TNRC6C: variants seen among roughly 807,000 people sequenced by gnomAD.
TNRC6C encodes trinucleotide repeat-containing gene 6C protein.
TNRC6C carries 20 observed loss-of-function variants against 153.7 expected under a neutral mutation model. The ratio of observed to expected loss-of-function variants is 0.13; its 90% CI spans 0.09 to 0.19. The LOEUF is 0.19. Ranked by LOEUF, TNRC6C falls within the 10% of genes least tolerant of loss-of-function variation. The probability of loss-of-function intolerance (pLI) is 1.00; values close to 1 mark genes in which losing one functional copy is unlikely to be tolerated. For synonymous variants in TNRC6C, 811 were observed against 841.4 expected (o/e 0.96, Z 0.63); for missense variants, 1,987 against 2,172.0 (o/e 0.91, Z 1.69).
intron 13 of TNRC6C, among the ~76,000 whole-genome samples, chr17:78,089,553 G>A (rs566764476): frequency 1.3e-4 from 20 of 152,204 alleles, no homozygotes; most frequent in African/African-American, 4.6e-4. Flanking sequence ...GGTCAGTAGT[G>A]GGGGCTCCTA....
intron 1 of TNRC6C, among the ~76,000 whole-genome samples, chr17:78,017,783 G>A (rs184764133): frequency 3.7e-4 from 57 of 152,338 alleles, no homozygotes; most frequent in Non-Finnish European, 6.9e-4. Flanking sequence ...CCCCGAAGGC[G>A]AGAAGCTCTT....
At chr17:77,982,143 G>A (rs1487141429) in intron 1 of TNRC6C, among the ~76,000 whole-genome samples, 1 of 152,150 alleles carries the variant, frequency 6.6e-6, no homozygotes, top group African/African-American at 2.4e-5. Context: ...ACCAGAACTT[G>A]ACCATGATGG....
intron 1 of TNRC6C, among the ~76,000 whole-genome samples, chr17:77,975,911 A>G (rs1281650942): frequency 1.3e-5 from 2 of 152,274 alleles, no homozygotes; most frequent in Non-Finnish European, 1.5e-5. Context: ...TTCTCATTCC[A>G]TGGTGTTATA....
chr17:78,081,804 T>A (rs971432726), intron 10 of TNRC6C, among the ~76,000 whole-genome samples: 1 of 152,142 alleles, frequency 6.6e-6, no homozygotes, highest in East Asian at 1.9e-4. Context: ...AACCAGCATG[T>A]CCCAAATGGC....
chr17:78,026,547 T>C (rs760667375), intron 1 of TNRC6C, among the ~76,000 whole-genome samples: 2 of 152,286 alleles, frequency 1.3e-5, no homozygotes, highest in African/African-American at 2.4e-5. Flanking sequence ...TGCCCTAGAA[T>C]TGATGAAATG....
exon 15 of TNRC6C, chr17:78,093,109 A>G (rs2073422282): frequency 6.2e-7 from 1 of 1,612,680 alleles, no homozygotes; most frequent in African/African-American, 1.3e-5. Flanking sequence ...TGGCTCTAGC[A>G]TCAACTGGCC....
At position 78,079,282 on chromosome 17, in the gene TNRC6C, T is replaced by C. The variant is rs775555981; in HGVS notation, c.3211-113T>C. On this transcript the variant is annotated intron_variant, in intron 9 of 19. Coordinates refer to ENST00000301624, the Ensembl canonical transcript of TNRC6C. The surrounding 1 kb of genome is among the most constrained non-coding windows in gnomAD (Gnocchi z 4.3). Reference sequence around the variant, plus strand: ...TCTCTTGGGTACAAGTTGACAGTGGTAGGAAGTAGAAACAATTTTGCATTC... The same window carrying C: ...TCTCTTGGGTACAAGTTGACAGTGGCAGGAAGTAGAAACAATTTTGCATTC... The C allele has an allele frequency of 2.0e-6, 3 of 1,464,048 alleles. No homozygotes were observed. Among genetic ancestry groups the C allele is most frequent in the Non-Finnish European group, 2.8e-6 (3 of 1,079,026 alleles). 90.7% of individuals were successfully genotyped at this position (1,464,048 alleles called of 1,614,324 possible).
chr17:78,049,629 C>T lies in TNRC6C; in HGVS notation c.567C>T (p.Pro189=), dbSNP rs745416812. ...CTGATGGACCAAATAACACTAACCC[C>T]ATGAACTCTTCACCCAACCCTATCA... The change falls in exon 3 of 20, where the codon CCC becomes CCT. Residue 189 remains proline (P), a synonymous_variant. Coordinates refer to ENST00000301624, the Ensembl canonical transcript of TNRC6C. This position sits in a 1 kb window ranked among gnomAD's most constrained non-coding sequence, Gnocchi z 4.1. 6.2e-7 allele frequency: 1 copy of T among 1,614,006 alleles called. No homozygotes were observed. The highest frequency in any genetic ancestry group is 1.7e-5 in the Admixed American group (1 of 60,034).
intron 1 of TNRC6C, among the ~76,000 whole-genome samples, chr17:78,017,735 C>G (rs1299524136): frequency 6.6e-6 from 1 of 152,360 alleles, no homozygotes; most frequent in Non-Finnish European, 1.5e-5. Context: ...CTGCCTACCT[C>G]TCCAGCCTCC....
intron 1 of TNRC6C, among the ~76,000 whole-genome samples, chr17:77,998,986 C>G (rs1050269157): frequency 6.6e-6 from 1 of 152,230 alleles, no homozygotes; most frequent in Non-Finnish European, 1.5e-5. Flanking sequence ...GTACTAGGCT[C>G]TCACTATGCT....
At chr17:77,986,270 C>G (rs992143991) in intron 1 of TNRC6C, among the ~76,000 whole-genome samples, 1 of 152,006 alleles carries the variant, frequency 6.6e-6, no homozygotes, top group Admixed American at 6.6e-5. Flanking sequence ...ACAAAATTAG[C>G]CAGGCATGGT....
intron 2 of TNRC6C, among the ~76,000 whole-genome samples, chr17:78,032,756 G>A (rs1470223747): frequency 1.3e-5 from 2 of 152,150 alleles, no homozygotes; most frequent in Admixed American, 6.5e-5. Flanking sequence ...TTTAATATGG[G>A]TAATAATTCT....
chr17:77,980,006 T>C (rs1042085298), intron 1 of TNRC6C, among the ~76,000 whole-genome samples: 3 of 151,766 alleles, frequency 2.0e-5, no homozygotes, highest in Non-Finnish European at 4.4e-5. Flanking sequence ...TATAGACATC[T>C]TCAGACAGAC....
At position 78,040,778 on chromosome 17, in the gene TNRC6C, C is replaced by G. The variant is rs372357863; in HGVS notation, c.-218-8067C>G. 5.2e-3 allele frequency among the ~76,000 whole-genome samples: 794 copies of G among 152,276 alleles called. 2 individuals carry two copies. Among genetic ancestry groups the G allele is most frequent in the Middle Eastern group, 0.027 (8 of 294 alleles). On this transcript the variant is annotated intron_variant, in intron 2 of 19. Transcript: ENST00000301624. ...AAAGAATTTAAAGAGGAAGGAAGAT[C>G]GGTTTAGTGTCAGCTGCAATTAGAT...
chr17:77,983,421 A>G (rs939586475), intron 1 of TNRC6C, among the ~76,000 whole-genome samples: 1 of 152,186 alleles, frequency 6.6e-6, no homozygotes, highest in Non-Finnish European at 1.5e-5. Flanking sequence ...ATGCTATACA[A>G]TGGGGGCAGG....
At chr17:77,959,764 G>C (rs180754567) in intron 1 of TNRC6C, among the ~76,000 whole-genome samples, 1 of 152,164 alleles carries the variant, frequency 6.6e-6, no homozygotes, top group Admixed American at 6.5e-5. Context: ...TTCTAACGGT[G>C]CTGCGGACTG....
At chr17:78,094,992 A>G (rs2073458544) in intron 16 of TNRC6C, among the ~76,000 whole-genome samples, 1 of 152,250 alleles carries the variant, frequency 6.6e-6, no homozygotes, top group Non-Finnish European at 1.5e-5. Context: ...CCAGAATCAG[A>G]GACCCAGCCC....
At chr17:77,983,162 T>G (rs1426510976) in intron 1 of TNRC6C, among the ~76,000 whole-genome samples, 1 of 152,230 alleles carries the variant, frequency 6.6e-6, no homozygotes, top group East Asian at 1.9e-4. Context: ...AGTCTCTTAC[T>G]GTTATACCTT....
At chr17:78,094,884 C>T (rs377331679) in intron 16 of TNRC6C, among the ~76,000 whole-genome samples, 16 of 152,152 alleles carry the variant, frequency 1.1e-4, no homozygotes, top group East Asian at 5.8e-4. Context: ...AGCTGCGTTT[C>T]GGAACAGGGA....
Sources: allele counts gnomAD v4.1 joint callset (sites outside exome capture counted in the v4.1 genomes callset), GRCh38; gene constraint gnomAD v4.1.1; non-coding constraint Gnocchi (gnomAD v3.1); transcripts MANE v1.5; gene names NCBI Gene and HGNC (gene_info 2026-07-23, HGNC 2026-07-21).